The following COL6A3 variants were observed in gnomAD, a reference collection of about 807,000 sequenced individuals.
COL6A3 encodes collagen alpha-3(VI) chain.
A neutral mutation model predicts 274.1 loss-of-function variants in COL6A3; 137 were observed. The ratio of observed to expected loss-of-function variants is 0.50; its 90% CI spans 0.44 to 0.58. The LOEUF (loss-of-function observed/expected upper bound fraction) is 0.58. COL6A3 is among the 20% of genes least tolerant of loss of function. The pLI is 0.00. For missense variants in COL6A3, 3,950 were observed against 4,124.9 expected (o/e 0.96, Z 1.16); for synonymous variants, 1,650 against 1,650.6 (o/e 1.00, Z 0.01).
chr2:237,361,254 C>A lies in COL6A3; in HGVS notation c.6157-80G>T. On this transcript the variant is annotated intron_variant, in intron 15 of 43. Transcript: ENST00000295550. This position sits in a 1 kb window ranked among gnomAD's most constrained non-coding sequence, Gnocchi z 5.1. ...AGTAAGAATCCCTGTGGTCCCCCTT[C>A]ATTTGGCAGAGCAGCACTAAAACTC... The A allele has an allele frequency of 7.6e-7, 1 of 1,313,534 alleles. No homozygotes were observed. The highest frequency in any genetic ancestry group is 1.1e-6 in the Non-Finnish European group (1 of 909,338). The allele number at this position is 1,313,534 out of a possible 1,614,324, so 81.4% of individuals were successfully genotyped here. A position where few individuals can be genotyped will look rare whatever the true frequency, so the allele number is the denominator to read the frequency against.
chr2:237,336,572 C>G, intron 39 of COL6A3, 40 bp from the exon 40 acceptor site: 1 of 1,601,894 alleles, frequency 6.2e-7, no homozygotes, highest in Non-Finnish European at 8.5e-7. Context: ...CTTTTACCTG[C>G]TATCTAAAAT....
intron 23 of COL6A3, chr2:237,355,141 C>G (rs569143770): frequency 3.9e-6 from 2 of 511,120 alleles, no homozygotes; most frequent in Non-Finnish European, 7.0e-6. Context: ...CACCCTCATC[C>G]GGGTGAAGTT....
chr2:237,382,389 A>G (rs2078030884), intron 4 of COL6A3, among the ~76,000 whole-genome samples: 2 of 152,190 alleles, frequency 1.3e-5, no homozygotes, highest in Non-Finnish European at 1.5e-5. Flanking sequence ...TCTCCAAAAA[A>G]AAAACAAAAA....
chr2:237,357,847 G>A lies in COL6A3; in HGVS notation c.6507C>T (p.Pro2169=). The A allele has an allele frequency of 1.9e-6, 3 of 1,614,136 alleles. No homozygotes were observed. Among genetic ancestry groups the A allele is most frequent in the Non-Finnish European group, 2.5e-6 (3 of 1,180,022 alleles). Residue 2169 remains proline (P), a synonymous_variant, in exon 22 of 44, where the codon CCC becomes CCT. Transcript: ENST00000295550. The stretch of plus-strand genomic sequence containing the variant: ...GGCCGAGGTCACCGGTTTCTCCTTT[G>A]GGTCCTCTCTCCTGGCTGTCTTGTC... ...NPGQDSQERG[P]KGETGDLGPM... is the part of the protein sequence containing the mutation.
At position 237,371,022 on chromosome 2, in the gene COL6A3, C is replaced by CT. The variant is rs2077673169; in HGVS notation, c.4285+709dup. 6.6e-6 allele frequency among the ~76,000 whole-genome samples: 1 copy of CT among 152,240 alleles called. No homozygotes were observed. ...AGAGTGACTGCTCTTCTCTACCAAT[C>CT]TATACCAAGGCCATCCTGCTTCTAG... On this transcript the variant is annotated intron_variant, in intron 9 of 43. Transcript: ENST00000295550. This position sits in a 1 kb window ranked among gnomAD's most constrained non-coding sequence, Gnocchi z 4.3.
Position 237,354,656 on chromosome 2 carries a change from C to A in COL6A3, c.6627+243G>T, listed in dbSNP as rs2645763. ...ACATCTCACACATATTGATTGATGT[C>A]TCATGTCTCCCTAAAATGTGTAAAA... On this transcript the variant is annotated intron_variant, in intron 24 of 43. Coordinates refer to ENST00000295550, the MANE Select transcript of COL6A3 (RefSeq NM_004369.4). Among the ~76,000 whole-genome samples the A allele has an allele frequency of 0.11, 17,183 of 152,178 alleles. 1,000 individuals are homozygous for A. The highest frequency in any genetic ancestry group is 0.19 in the Middle Eastern group (56 of 292).
intron 3 of COL6A3, among the ~76,000 whole-genome samples, chr2:237,389,776 A>G (rs185871879): frequency 6.6e-6 from 1 of 152,380 alleles, no homozygotes; most frequent in African/African-American, 2.4e-5. Context: ...CAACATTGCT[A>G]TCACAATCCT....
intron 40 of COL6A3, 126 bp from the exon 41 acceptor site, chr2:237,335,015 G>T (rs1700462071): frequency 2.8e-6 from 3 of 1,086,468 alleles, no homozygotes. Flanking sequence ...AGCTGAGGCG[G>T]GGAACTAATT....
At chr2:237,338,020 C>T (rs539436431) in intron 39 of COL6A3, among the ~76,000 whole-genome samples, 5 of 152,370 alleles carry the variant, frequency 3.3e-5, no homozygotes, top group African/African-American at 1.2e-4. Flanking sequence ...AATCATTTCA[C>T]ACCAGATACG....
rs201814201 is a variant in COL6A3 at position 237,354,908 on chromosome 2, G to A, written c.6618C>T (p.Pro2206=). 923 of 1,612,006 alleles carry A rather than the reference G, an allele frequency of 5.7e-4. 10 individuals carry two copies. The South Asian group carries it at 6.6e-3, about 12-fold the overall frequency. ...ACTGCATGAGGCTCACCTTAGCTCC[G>A]GGGGGTCCCCTTCGGCCAAAGCCAC... is the stretch of plus-strand genomic sequence containing the variant. ...KNGGFGRRGP[P]GAKGNKGGPG... is the part of the protein sequence containing the mutation. Residue 2206 remains proline (P), a synonymous_variant, in exon 24 of 44, where the codon CCC becomes CCT. Transcript: ENST00000295550.
At chr2:237,353,726 G>A (rs2077256055) in intron 24 of COL6A3, among the ~76,000 whole-genome samples, 1 of 152,180 alleles carries the variant, frequency 6.6e-6, no homozygotes, top group Non-Finnish European at 1.5e-5. Context: ...AGATAGGTGA[G>A]CACGTTCTGG....
rs4233631 is a variant in COL6A3 at position 237,335,932 on chromosome 2, T to C, written c.8965+203A>G. 0.68 allele frequency among the ~76,000 whole-genome samples: 103,166 copies of C among 152,056 alleles called. 35,500 individuals carry two copies. The highest frequency in any genetic ancestry group is 0.78 in the African/African-American group (32,311 of 41,458). On this transcript the variant is annotated intron_variant, in intron 40 of 43. Coordinates refer to ENST00000295550, the MANE Select transcript of COL6A3 (RefSeq NM_004369.4). Reference sequence around the variant, plus strand: ...AGAGAATGAGAGCTTCCCATCCCTATCGCAAGACAGGATTGAGGGCACAGG... The same window carrying C: ...AGAGAATGAGAGCTTCCCATCCCTACCGCAAGACAGGATTGAGGGCACAGG...
At chr2:237,353,574 C>T (rs2077252803) in intron 24 of COL6A3, among the ~76,000 whole-genome samples, 171 bp from the exon 25 acceptor site, 1 of 152,234 alleles carries the variant, frequency 6.6e-6, no homozygotes, top group Non-Finnish European at 1.5e-5. Context: ...ACACTGAGCA[C>T]AGGAGCCAGC....
chr2:237,395,583 C>T lies in COL6A3; in HGVS notation c.92-379G>A, dbSNP rs1199073221. ...AGTCTTATCACAGACAACCAACCAT[C>T]ATTTTATAAATTCATTCTTTAGTTT... On this transcript the variant is annotated intron_variant, in intron 2 of 43. Transcript: ENST00000295550. Among the ~76,000 whole-genome samples the T allele has an allele frequency of 2.6e-5, 4 of 152,170 alleles. 1 individual carries two copies. Among genetic ancestry groups the T allele is most frequent in the Admixed American group, 2.6e-4 (4 of 15,274 alleles).
At chr2:237,397,032 T>TAGAC (rs1286818326) in intron 1 of COL6A3, among the ~76,000 whole-genome samples, 185 bp from the exon 2 acceptor site, 1 of 150,030 alleles carries the variant, frequency 6.7e-6, no homozygotes, top group Non-Finnish European at 1.5e-5. Context: ...GATAGATAGA[T>TAGAC]AGATAGATAG....
chr2:237,369,324 T>G, intron 9 of COL6A3, 147 bp from the exon 10 acceptor site: 2 of 1,155,400 alleles, frequency 1.7e-6, no homozygotes, highest in South Asian at 3.0e-5. Context: ...CTTTTTGAAA[T>G]TAGCCGTTAA....
At chr2:237,385,258 T>C (rs117535866) in intron 4 of COL6A3, among the ~76,000 whole-genome samples, 1,852 of 152,316 alleles carry the variant, frequency 0.012, 66 homozygotes, top group Admixed American at 0.06. Flanking sequence ...ACCATATCTC[T>C]AGTGCTTGGC....
At chr2:237,337,689 G>A (rs1700619020) in intron 39 of COL6A3, among the ~76,000 whole-genome samples, 1 of 152,220 alleles carries the variant, frequency 6.6e-6, no homozygotes, top group African/African-American at 2.4e-5. Context: ...CTCTTAAGGA[G>A]CACACATTGC....
chr2:237,363,233 A>C lies in COL6A3; in HGVS notation c.6063+20T>G. The C allele has an allele frequency of 6.2e-7, 1 of 1,606,902 alleles. No homozygotes were observed. Among genetic ancestry groups the C allele is most frequent in the East Asian group, 2.2e-5 (1 of 44,868 alleles). On this transcript the variant is annotated intron_variant, in intron 14 of 43. Coordinates refer to ENST00000295550, the MANE Select transcript of COL6A3 (RefSeq NM_004369.4). ...TGGTATCTACACTGGTCTGTGTATA[A>C]AGACATAAAAAAAACTCACAAGCTG... is the stretch of plus-strand genomic sequence containing the variant.
Sources: allele counts gnomAD v4.1 joint callset (sites outside exome capture counted in the v4.1 genomes callset), GRCh38; gene constraint gnomAD v4.1.1; non-coding constraint Gnocchi (gnomAD v3.1); transcripts MANE v1.5; gene names NCBI Gene and HGNC (gene_info 2026-07-23, HGNC 2026-07-21).